The following RUNDC3B variants were observed in gnomAD, a reference collection of about 807,000 sequenced individuals.
RUNDC3B encodes the protein RUN domain-containing protein 3B.
RUNDC3B carries 33 observed loss-of-function variants against 58.4 expected under a neutral mutation model. That is an observed-to-expected ratio of 0.56 (90% confidence interval 0.43 to 0.75). RUNDC3B has a LOEUF of 0.75. Ranked by LOEUF, RUNDC3B falls within the 30% of genes least tolerant of loss-of-function variation. The probability of loss-of-function intolerance (pLI) is 0.00; values close to 1 mark genes in which losing one functional copy is unlikely to be tolerated. For missense variants in RUNDC3B, 501 were observed against 535.7 expected, an observed-to-expected ratio of 0.94 and a Z score of 0.64; for synonymous variants, 193 against 195.2, an observed-to-expected ratio of 0.99 and a Z score of 0.10.
chr7:87,821,369 C>G (rs1352143614), intron 10 of RUNDC3B, among the ~76,000 whole-genome samples: 1 of 152,090 alleles, frequency 6.6e-6, no homozygotes, highest in Non-Finnish European at 1.5e-5. Context: ...AACTACAAAC[C>G]ACTGCTCAAT....
chr7:87,655,810 G>A (rs1034549980), intron 2 of RUNDC3B, among the ~76,000 whole-genome samples: 1 of 152,116 alleles, frequency 6.6e-6, no homozygotes, highest in Non-Finnish European at 1.5e-5. Flanking sequence ...ACAGTGCTGG[G>A]AAGTGGGGCT....
intron 5 of RUNDC3B, among the ~76,000 whole-genome samples, chr7:87,740,634 CT>C (rs1563176484): frequency 1.3e-5 from 2 of 152,118 alleles, no homozygotes; most frequent in Admixed American, 1.3e-4. Context: ...ACTTTTGAGT[CT>C]TGATAAAAAT....
At chr7:87,814,072 A>T (rs1314366669) in intron 9 of RUNDC3B, among the ~76,000 whole-genome samples, 1 of 150,748 alleles carries the variant, frequency 6.6e-6, no homozygotes, top group Non-Finnish European at 1.5e-5. Context: ...TTAAACAAGG[A>T]TATTCTTGGA....
chr7:87,715,333 A>G (rs1830476788), intron 4 of RUNDC3B, among the ~76,000 whole-genome samples: 1 of 117,456 alleles, frequency 8.5e-6, no homozygotes, highest in East Asian at 2.4e-4. Context: ...AATTATATAT[A>G]ATTAATTTAT....
At chr7:87,642,307 A>G (rs975633596) in intron 1 of RUNDC3B, among the ~76,000 whole-genome samples, 1 of 152,098 alleles carries the variant, frequency 6.6e-6, no homozygotes, top group Admixed American at 6.5e-5. Context: ...TTGATAAACC[A>G]TGAAGACTAT....
intron 8 of RUNDC3B, among the ~76,000 whole-genome samples, chr7:87,794,702 A>G (rs1835720041): frequency 6.6e-6 from 1 of 152,114 alleles, no homozygotes; most frequent in Non-Finnish European, 1.5e-5. Context: ...AACAAAAAGA[A>G]CACTGAAAGA....
chr7:87,799,409 G>T (rs1352879900), intron 8 of RUNDC3B, among the ~76,000 whole-genome samples: 1 of 151,986 alleles, frequency 6.6e-6, no homozygotes, highest in Non-Finnish European at 1.5e-5. Flanking sequence ...CTTTATCTTT[G>T]GTGACTTTCC....
chr7:87,723,188 G>C (rs1831010422), intron 4 of RUNDC3B, among the ~76,000 whole-genome samples: 2 of 152,038 alleles, frequency 1.3e-5, no homozygotes, highest in African/African-American at 4.8e-5. Flanking sequence ...GACCTGAATA[G>C]ATAAATAAAA....
At chr7:87,629,049 A>T in intron 1 of RUNDC3B, 104 bp downstream of exon 1, 1 of 1,104,958 alleles carries the variant, frequency 9.1e-7, no homozygotes, top group Non-Finnish European at 1.2e-6. Flanking sequence ...GCTGCCGCCC[A>T]GTGCCCCCGC....
chr7:87,642,120 T>C lies in RUNDC3B; in HGVS notation c.123-8702T>C, dbSNP rs906372712. Among the ~76,000 whole-genome samples the C allele has an allele frequency of 6.6e-5, 10 of 151,944 alleles. No homozygotes were observed. In the South Asian group the frequency reaches 1.0e-3, roughly 16 times the overall value. On this transcript the variant is annotated intron_variant, in intron 1 of 10. Coordinates refer to ENST00000394654, the MANE Select transcript of RUNDC3B (RefSeq NM_001134405.2). ...TATAATAATTTTTATTTAAATTAGA[T>C]TTATTTTATAGTTAAGGCTAACATT... is the stretch of plus-strand genomic sequence containing the variant.
At position 87,671,691 on chromosome 7, in the gene RUNDC3B, G is replaced by C. The variant is rs76298828; in HGVS notation, c.238+20754G>C. Among the ~76,000 whole-genome samples the C allele has an allele frequency of 3.1e-3, 465 of 152,236 alleles. 6 individuals carry two copies. The East Asian group carries it at 0.048, about 16-fold the overall frequency. ...CTGGGAGGTCCCACCCAGTAAGAAG[G>C]AGCAAGATTGAGGACCCACTTAAAA... On this transcript the variant is annotated intron_variant, in intron 2 of 10. Transcript: ENST00000394654.
intron 2 of RUNDC3B, among the ~76,000 whole-genome samples, chr7:87,663,420 TAA>T (rs1362084434): frequency 6.6e-6 from 1 of 151,744 alleles, no homozygotes; most frequent in African/African-American, 2.4e-5. Context: ...CAATACTTAT[TAA>T]GCTTTCCCTA....
chr7:87,704,271 T>C (rs558419157), intron 3 of RUNDC3B, among the ~76,000 whole-genome samples: 1 of 152,282 alleles, frequency 6.6e-6, no homozygotes, highest in South Asian at 2.1e-4. Context: ...TATCTACATT[T>C]CTTTTGGCTA....
intron 9 of RUNDC3B, among the ~76,000 whole-genome samples, chr7:87,814,868 A>G (rs943318445): frequency 6.6e-6 from 1 of 152,116 alleles, no homozygotes. Context: ...CTCATTCTTC[A>G]TTTCTTAGAG....
At chr7:87,747,904 C>G (rs577154174) in intron 6 of RUNDC3B, among the ~76,000 whole-genome samples, 5 of 152,152 alleles carry the variant, frequency 3.3e-5, no homozygotes, top group Non-Finnish European at 7.3e-5. Context: ...CACAGGCTAC[C>G]CGCCTCCCAG....
chr7:87,799,885 CAAA>C (rs763617668), intron 8 of RUNDC3B, among the ~76,000 whole-genome samples: 4 of 59,316 alleles, frequency 6.7e-5, no homozygotes, highest in African/African-American at 1.2e-4. Context: ...GACTCCGTCT[CAAA>C]AAAAAAAAAA....
At position 87,770,589 on chromosome 7, in the gene RUNDC3B, G is replaced by A; in HGVS notation, c.638G>A (p.Ser213Asn). The A allele has an allele frequency of 1.9e-6, 3 of 1,612,592 alleles. No individual in the cohort carries two copies. The highest frequency in any genetic ancestry group is 2.5e-6 in the Non-Finnish European group (3 of 1,179,172). Residue 213 changes from serine to asparagine, a missense_variant, in exon 7 of 11, where the codon AGT (serine) becomes AAT (asparagine). By Grantham distance (46) the Ser-to-Asn change is conservative. Coordinates refer to ENST00000394654, the MANE Select transcript of RUNDC3B (RefSeq NM_001134405.2). Reference protein sequence around the residue: ...PYLKYIQSSDSISSDEEELRT... With the variant: ...PYLKYIQSSDNISSDEEELRT... ...AATTTTGATCTTCCCAGTTCTGATA[G>A]TATCAGCAGTGATGAGGAGGAGCTA...
intron 1 of RUNDC3B, among the ~76,000 whole-genome samples, chr7:87,630,162 T>C (rs1821069217): frequency 6.6e-6 from 1 of 152,188 alleles, no homozygotes; most frequent in Non-Finnish European, 1.5e-5. Context: ...GATGAAACTT[T>C]TTCTTCCTTT....
At chr7:87,746,094 T>C (rs982297822) in intron 6 of RUNDC3B, among the ~76,000 whole-genome samples, 1 of 152,228 alleles carries the variant, frequency 6.6e-6, no homozygotes, top group Non-Finnish European at 1.5e-5. Flanking sequence ...TTAATTTCCA[T>C]GTACTTGCAT....
Sources: allele counts gnomAD v4.1 joint callset (sites outside exome capture counted in the v4.1 genomes callset), GRCh38; gene constraint gnomAD v4.1.1; transcripts MANE v1.5; gene names NCBI Gene and HGNC (gene_info 2026-07-23, HGNC 2026-07-21).